FMN1: variants seen among roughly 807,000 people sequenced by gnomAD.
FMN1 encodes formin-1.
In FMN1, 110 loss-of-function variants were observed where a neutral mutation model predicts 132.4. The ratio of observed to expected loss-of-function variants is 0.83; its 90% CI spans 0.71 to 0.97. The LOEUF (loss-of-function observed/expected upper bound fraction) is 0.97, where lower values mean the gene tolerates loss of function less well. FMN1 is among the 50% of genes least tolerant of loss of function. The pLI, the probability that FMN1 is intolerant of heterozygous loss-of-function variation, is 0.00. For synonymous variants in FMN1, 722 were observed against 651.7 expected (o/e 1.11, Z -1.64); for missense variants, 1,792 against 1,705.3 (o/e 1.05, Z -0.90).
At chr15:32,815,035 C>T (rs941918508) in intron 17 of FMN1, among the ~76,000 whole-genome samples, 5 of 152,070 alleles carry the variant, frequency 3.3e-5, no homozygotes, top group Admixed American at 6.5e-5. Flanking sequence ...CTCCGCCTCC[C>T]GGGTTCATCC....
chr15:32,831,555 A>C (rs1339210245), intron 17 of FMN1, among the ~76,000 whole-genome samples: 1 of 152,036 alleles, frequency 6.6e-6, no homozygotes, highest in Non-Finnish European at 1.5e-5. Flanking sequence ...CAGGGGAGGA[A>C]AGTGTGTGTG....
At chr15:33,151,724 C>T (rs1964447680) in intron 4 of FMN1, among the ~76,000 whole-genome samples, 1 of 152,076 alleles carries the variant, frequency 6.6e-6, no homozygotes, top group Non-Finnish European at 1.5e-5. Flanking sequence ...AGAGAGTTTC[C>T]TTGTCAAGTG....
chr15:33,041,934 A>C (rs2036459216), intron 6 of FMN1, among the ~76,000 whole-genome samples: 1 of 152,158 alleles, frequency 6.6e-6, no homozygotes, highest in South Asian at 2.1e-4. Flanking sequence ...CACCACAGCT[A>C]AAAATAAATT....
At chr15:33,104,644 C>T (rs1057256438) in intron 4 of FMN1, among the ~76,000 whole-genome samples, 2 of 151,936 alleles carry the variant, frequency 1.3e-5, no homozygotes, top group East Asian at 1.9e-4. Flanking sequence ...GCTAGTAATA[C>T]GTATGTATTC....
At chr15:33,090,690 T>A (rs893286949) in intron 4 of FMN1, among the ~76,000 whole-genome samples, 1 of 152,190 alleles carries the variant, frequency 6.6e-6, no homozygotes, top group Non-Finnish European at 1.5e-5. Context: ...ACAGACAGTC[T>A]TCTGGCCTTT....
intron 4 of FMN1, among the ~76,000 whole-genome samples, chr15:33,096,292 T>C (rs1465347764): frequency 6.6e-6 from 1 of 152,218 alleles, no homozygotes; most frequent in East Asian, 1.9e-4. Flanking sequence ...TTACACAATA[T>C]TGTTGCCAGC....
intron 4 of FMN1, among the ~76,000 whole-genome samples, chr15:33,110,480 A>C (rs139790851): frequency 3.7e-3 from 564 of 152,072 alleles, no homozygotes; most frequent in African/African-American, 0.013. Context: ...TATCCTTATG[A>C]ATCTTCTATA....
chr15:33,166,239 A>G (rs906236292), intron 3 of FMN1, among the ~76,000 whole-genome samples: 12 of 152,108 alleles, frequency 7.9e-5, no homozygotes, highest in African/African-American at 2.9e-4. Context: ...GAGCAATGGA[A>G]CTGGACTCAA....
At chr15:32,779,214 A>G (rs541823171) in intron 19 of FMN1, among the ~76,000 whole-genome samples, 1 of 152,300 alleles carries the variant, frequency 6.6e-6, no homozygotes, top group African/African-American at 2.4e-5. Flanking sequence ...GATAGAGGTA[A>G]TGGTTGTAGA....
chr15:32,970,435 G>A (rs2031683487), intron 7 of FMN1, among the ~76,000 whole-genome samples: 1 of 152,164 alleles, frequency 6.6e-6, no homozygotes, highest in African/African-American at 2.4e-5. Context: ...ACTGGTGACA[G>A]TATTGTCTTT....
intron 9 of FMN1, among the ~76,000 whole-genome samples, chr15:32,957,574 T>C (rs2029955296): frequency 6.6e-6 from 1 of 152,096 alleles, no homozygotes; most frequent in South Asian, 2.1e-4. Context: ...ACAAGAATAA[T>C]CTAGAGATTC....
intron 10 of FMN1, among the ~76,000 whole-genome samples, chr15:32,924,234 C>T (rs1465132185): frequency 1.3e-5 from 2 of 152,180 alleles, no homozygotes; most frequent in Admixed American, 6.5e-5. Context: ...CTCACTGTAT[C>T]TGAGGTTTCA....
intron 12 of FMN1, among the ~76,000 whole-genome samples, chr15:32,908,005 G>A (rs886499578): frequency 2.6e-5 from 4 of 152,182 alleles, no homozygotes; most frequent in African/African-American, 9.7e-5. Flanking sequence ...CATGTACAGA[G>A]TGAGGGTGAG....
chr15:32,894,986 A>G (rs866330690), intron 15 of FMN1, among the ~76,000 whole-genome samples: 7 of 152,224 alleles, frequency 4.6e-5, no homozygotes, highest in Middle Eastern at 3.2e-3. Flanking sequence ...CCATAAGAGT[A>G]TATTATTCCA....
At chr15:33,001,963 T>G (rs771537357) in intron 7 of FMN1, among the ~76,000 whole-genome samples, 31 of 152,068 alleles carry the variant, frequency 2.0e-4, no homozygotes, top group Non-Finnish European at 3.7e-4. Context: ...AATCCAAATA[T>G]TTTAGGTGAT....
At chr15:33,129,619 A>G (rs958506833) in intron 4 of FMN1, among the ~76,000 whole-genome samples, 1 of 152,120 alleles carries the variant, frequency 6.6e-6, no homozygotes, top group Non-Finnish European at 1.5e-5. Context: ...TGTCACCCCA[A>G]TCCTACAGAT....
At chr15:33,007,255 T>C (rs773550972) in intron 7 of FMN1, among the ~76,000 whole-genome samples, 9 of 152,190 alleles carry the variant, frequency 5.9e-5, no homozygotes, top group Non-Finnish European at 1.3e-4. Context: ...AAATTAGCAG[T>C]CATGAGTTAA....
chr15:33,125,724 G>A (rs1245597020), intron 4 of FMN1, among the ~76,000 whole-genome samples: 1 of 148,870 alleles, frequency 6.7e-6, no homozygotes. Context: ...AAAAAATTAA[G>A]AATGAAGTCT....
At chr15:32,850,950 T>C (rs1391795744) in intron 17 of FMN1, among the ~76,000 whole-genome samples, 1 of 152,038 alleles carries the variant, frequency 6.6e-6, no homozygotes, top group East Asian at 1.9e-4. Flanking sequence ...TCCCAGCTAC[T>C]TGGAGGCTGA....
Sources: gnomAD v4.1 joint callset for allele counts (sites outside exome capture counted in the v4.1 genomes callset) on GRCh38, gnomAD v4.1.1 for gene constraint, MANE v1.5 for transcripts, NCBI Gene and HGNC (gene_info 2026-07-23, HGNC 2026-07-21) for gene names.